Variants in NEK10 observed in about 807,000 individuals in gnomAD.
The protein encoded by NEK10 is serine/threonine-protein kinase Nek10.
Under a neutral mutation model 159.8 loss-of-function variants are expected in NEK10, and 122 were observed. That is an observed-to-expected ratio of 0.76 (90% confidence interval 0.66 to 0.89). The LOEUF (loss-of-function observed/expected upper bound fraction) is 0.89. Among genes scored for constraint, NEK10 ranks in the 40% least tolerant of loss-of-function variants. NEK10 has a pLI of 0.00. For missense variants in NEK10, 1,342 were observed against 1,323.1 expected (o/e 1.01, Z -0.22); for synonymous variants, 466 against 457.1 (o/e 1.02, Z -0.25).
rs2046174447 is a variant in NEK10, at chr3:27,328,516, C to T, written c.363-6255G>A. Among the ~76,000 whole-genome samples the T allele has an allele frequency of 2.6e-5, 4 of 152,124 alleles. No homozygotes were observed. The South Asian group carries it at 8.3e-4, about 31-fold the overall frequency. ...GTCCCTGAGGCAGGAATACTGTAAA[C>T]TGCAAAGAATAGCAAGGAAGCCAGT... On this transcript the variant is annotated intron_variant, in intron 5 of 35. Transcript: ENST00000691995.
chr3:27,191,062 C>A (rs1160141385), intron 26 of NEK10, among the ~76,000 whole-genome samples: 5 of 152,158 alleles, frequency 3.3e-5, no homozygotes, highest in African/African-American at 1.2e-4. Context: ...TTCTGGATTC[C>A]AAATACCTTA....
At chr3:27,214,537 T>TTTCC (rs1951302649) in intron 23 of NEK10, among the ~76,000 whole-genome samples, 1 of 142,334 alleles carries the variant, frequency 7.0e-6, no homozygotes, top group African/African-American at 2.5e-5. Flanking sequence ...GCAGGCAGCT[T>TTTCC]TTACTTTCTT....
chr3:27,201,041 G>C (rs1015734480), intron 25 of NEK10, among the ~76,000 whole-genome samples: 3 of 152,118 alleles, frequency 2.0e-5, no homozygotes, highest in African/African-American at 7.2e-5. Flanking sequence ...GTGATAGCTG[G>C]AGCTCCTGAT....
chr3:27,144,595 T>G (rs1266884039), intron 30 of NEK10, among the ~76,000 whole-genome samples: 1 of 152,192 alleles, frequency 6.6e-6, no homozygotes. Flanking sequence ...TCTGATTGCT[T>G]TTGTATTTAT....
chr3:27,273,899 C>G (rs746473622), intron 22 of NEK10, among the ~76,000 whole-genome samples: 1 of 152,136 alleles, frequency 6.6e-6, no homozygotes, highest in African/African-American at 2.4e-5. Flanking sequence ...CAGGATAATG[C>G]TCAGAGTTTT....
chr3:27,214,784 G>T (rs1231573000), intron 23 of NEK10: 6 of 874,182 alleles, frequency 6.9e-6, no homozygotes, highest in Non-Finnish European at 1.2e-5. Flanking sequence ...ATGTTCTCAG[G>T]TGAAGTCACT....
chr3:27,352,764 T>C, intron 2 of NEK10, 48 bp downstream of exon 2: 1 of 1,283,990 alleles, frequency 7.8e-7, no homozygotes, highest in Non-Finnish European at 1.1e-6. Context: ...ATCTGTTCAA[T>C]GGCCACTGCC....
At chr3:27,210,995 A>G (rs1171539149) in intron 23 of NEK10, among the ~76,000 whole-genome samples, 1 of 152,234 alleles carries the variant, frequency 6.6e-6, no homozygotes. Context: ...TCTAATATAC[A>G]TAAATTTCAT....
intron 7 of NEK10, among the ~76,000 whole-genome samples, chr3:27,312,996 A>G (rs558431796): frequency 6.6e-6 from 1 of 152,230 alleles, no homozygotes; most frequent in East Asian, 1.9e-4. Flanking sequence ...TAAACATTAT[A>G]CAGGTTTTAG....
intron 5 of NEK10, among the ~76,000 whole-genome samples, chr3:27,339,528 C>G (rs2047051273): frequency 1.3e-5 from 2 of 151,880 alleles, no homozygotes; most frequent in African/African-American, 4.8e-5. Context: ...CGCTTGTAAT[C>G]CCAGCATTTT....
At chr3:27,206,237 A>T (rs1950531603) in intron 23 of NEK10, among the ~76,000 whole-genome samples, 2 of 152,186 alleles carry the variant, frequency 1.3e-5, no homozygotes, top group African/African-American at 4.8e-5. Context: ...AGTAAACATG[A>T]CTAAGCACTA....
In NEK10 at chr3:27,330,168, G is replaced by C. The variant is rs1038842476; in HGVS notation, c.363-7907C>G. Among the ~76,000 whole-genome samples, 11 of 152,236 alleles carry C rather than the reference G, an allele frequency of 7.2e-5. No homozygotes were observed. In the South Asian group the frequency reaches 1.5e-3, roughly 20 times the overall value. On this transcript the variant is annotated intron_variant, in intron 5 of 35. Transcript: ENST00000691995. ...TGTGCCTGTGTGTGTGTGTACATGTGTGTACACATTTACCTAAAATACCCT... is the reference window on the plus strand; with the variant it reads ...TGTGCCTGTGTGTGTGTGTACATGTCTGTACACATTTACCTAAAATACCCT...
chr3:27,155,315 A>T (rs2148771491), intron 30 of NEK10, among the ~76,000 whole-genome samples: 1 of 152,152 alleles, frequency 6.6e-6, no homozygotes, highest in Admixed American at 6.5e-5. Context: ...CATCCTGGCC[A>T]ACATGGTGAA....
At chr3:27,285,005 C>G in intron 20 of NEK10, 44 bp from the exon 21 acceptor site, 4 of 1,500,628 alleles carry the variant, frequency 2.7e-6, no homozygotes, top group Non-Finnish European at 3.6e-6. Flanking sequence ...AAACTCAATA[C>G]AGGCATCTTG....
intron 23 of NEK10, among the ~76,000 whole-genome samples, chr3:27,241,281 G>A (rs923434004): frequency 6.6e-6 from 1 of 152,152 alleles, no homozygotes; most frequent in Admixed American, 6.5e-5. Context: ...GACAGTCAAA[G>A]TTGTTTTCAT....
intron 23 of NEK10, among the ~76,000 whole-genome samples, chr3:27,224,445 G>A (rs1952423290): frequency 6.6e-6 from 1 of 152,186 alleles, no homozygotes; most frequent in South Asian, 2.1e-4. Flanking sequence ...AGAATCTGGA[G>A]GTTAAATAAG....
chr3:27,156,700 G>A (rs923169761), intron 30 of NEK10, among the ~76,000 whole-genome samples: 2 of 151,578 alleles, frequency 1.3e-5, no homozygotes, highest in African/African-American at 4.8e-5. Context: ...CTTCACTGCT[G>A]GTGGGAATGT....
chr3:27,240,005 T>C (rs1305029377), intron 23 of NEK10, among the ~76,000 whole-genome samples: 1 of 152,204 alleles, frequency 6.6e-6, no homozygotes, highest in Non-Finnish European at 1.5e-5. Context: ...GATGAGCACA[T>C]GTTACAACTT....
intron 26 of NEK10, among the ~76,000 whole-genome samples, chr3:27,176,787 T>A (rs1947547893): frequency 6.6e-6 from 1 of 152,122 alleles, no homozygotes; most frequent in Non-Finnish European, 1.5e-5. Flanking sequence ...TTTCAGGACT[T>A]TACACCCAAG....
Sources: gnomAD v4.1 joint callset for allele counts (sites outside exome capture counted in the v4.1 genomes callset) on GRCh38, gnomAD v4.1.1 for gene constraint, MANE v1.5 for transcripts, NCBI Gene and HGNC (gene_info 2026-07-23, HGNC 2026-07-21) for gene names.